Variants in ZGRF1 observed in about 807,000 individuals in gnomAD.
ZGRF1 encodes the protein 5'-3' DNA helicase ZGRF1.
Under a neutral mutation model 203.5 loss-of-function variants are expected in ZGRF1, and 196 were observed. That is an observed-to-expected ratio of 0.96 (90% CI 0.86 to 1.08). The LOEUF is 1.08. Ranked by LOEUF, ZGRF1 falls within the 50% of genes least tolerant of loss-of-function variation. ZGRF1 has a pLI of 0.00. For missense variants in ZGRF1, 2,326 were observed against 2,416.3 expected (o/e 0.96, Z 0.78); for synonymous variants, 809 against 841.3 (o/e 0.96, Z 0.66).
chr4:112,601,170 G>A (rs114676761), intron 10 of ZGRF1, among the ~76,000 whole-genome samples: 4 of 151,890 alleles, frequency 2.6e-5, no homozygotes, highest in South Asian at 2.1e-4. Context: ...CAACACTTTG[G>A]GGGGCTGAGG....
Position 112,558,179 on chromosome 4 carries a change from A to G in ZGRF1, c.5091T>C (p.Thr1697=), listed in dbSNP as rs147334527. The part of the protein sequence containing the change: ...RPWKLLISSS[T]NVAVDRVLLG... ...GAAGTACTCTGTCAACAGCCACATT[A>G]GTAGAAGAAGAAATCAGAAGTTTCC... The change falls in exon 20 of 28, where the codon ACT becomes ACC. Residue 1697 remains threonine, a synonymous_variant. Transcript: ENST00000505019. 23 of 1,607,356 alleles carry G rather than the reference A, an allele frequency of 1.4e-5. No homozygotes were observed. In the African/African-American group the frequency reaches 3.1e-4, roughly 22 times the overall value.
chr4:112,552,025 C>T (rs1238246393), intron 22 of ZGRF1, among the ~76,000 whole-genome samples: 4 of 152,050 alleles, frequency 2.6e-5, no homozygotes, highest in African/African-American at 9.7e-5. Flanking sequence ...TGCCTGTAAT[C>T]CCAGCACTTT....
chr4:112,566,055 A>C (rs1743011429), intron 16 of ZGRF1, among the ~76,000 whole-genome samples: 1 of 152,200 alleles, frequency 6.6e-6, no homozygotes, highest in Non-Finnish European at 1.5e-5. Context: ...ACATATGTTT[A>C]TTACGGCACT....
chr4:112,547,189 G>A, intron 24 of ZGRF1, 96 bp downstream of exon 24: 1 of 1,243,124 alleles, frequency 8.0e-7, no homozygotes, highest in South Asian at 1.7e-5. Flanking sequence ...TTTAAGGCAG[G>A]ACTAAGTCTT....
chr4:112,564,656 T>A (rs977777576), intron 16 of ZGRF1, among the ~76,000 whole-genome samples: 1 of 152,212 alleles, frequency 6.6e-6, no homozygotes, highest in Admixed American at 6.5e-5. Flanking sequence ...TCATTTTTCA[T>A]TGTATATATT....
rs527403308 is a variant in ZGRF1 at position 112,561,051 on chromosome 4, G to A, written c.4698-56C>T. ...AAAAAAAGGGGCATTTGAAAAAGAT[G>A]AGTAGAATAATTCATAACTTAGCCA... On this transcript the variant is annotated intron_variant, in intron 18 of 27. Transcript: ENST00000505019. 3.7e-5 allele frequency: 50 copies of A among 1,338,226 alleles called. No homozygotes were observed. In the African/African-American group the frequency reaches 6.0e-4, roughly 16 times the overall value. 82.9% of individuals were successfully genotyped at this position (1,338,226 alleles called of 1,614,324 possible). A position where few individuals can be genotyped will look rare whatever the true frequency, so the allele number is the denominator to read the frequency against.
At chr4:112,622,520 G>GAAAAAA (rs5861105) in intron 4 of ZGRF1, among the ~76,000 whole-genome samples, 1 of 75,254 alleles carries the variant, frequency 1.3e-5, no homozygotes, top group Non-Finnish European at 2.4e-5. Flanking sequence ...ACTCCATCTC[G>GAAAAAA]AAAAAAAAAA....
intron 16 of ZGRF1, among the ~76,000 whole-genome samples, chr4:112,567,302 A>G (rs1743296575): frequency 6.6e-6 from 1 of 152,138 alleles, no homozygotes; most frequent in South Asian, 2.1e-4. Context: ...ACGCCAGGGA[A>G]AAATGAGTTC....
chr4:112,616,414 A>G (rs1448570103), intron 6 of ZGRF1, among the ~76,000 whole-genome samples: 2 of 151,798 alleles, frequency 1.3e-5, no homozygotes, highest in African/African-American at 4.8e-5. Context: ...AATTCCAGCT[A>G]CTGGGGAGGC....
intron 5 of ZGRF1, 29 bp from the exon 6 acceptor site, chr4:112,619,719 T>C (rs2047003577): frequency 2.7e-6 from 4 of 1,482,684 alleles, no homozygotes; most frequent in South Asian, 2.7e-5. Context: ...CTGTTAGGTG[T>C]ACCATTACCC....
chr4:112,559,546 T>C (rs1741551127), intron 19 of ZGRF1, among the ~76,000 whole-genome samples: 1 of 152,160 alleles, frequency 6.6e-6, no homozygotes, highest in African/African-American at 2.4e-5. Flanking sequence ...AATGAAAATA[T>C]GAAGTAAGGC....
Position 112,539,541 on chromosome 4 carries a change from G to A in ZGRF1, c.*6C>T. 2.4e-6 allele frequency: 3 copies of A among 1,246,698 alleles called. No homozygotes were observed. The highest frequency in any genetic ancestry group is 3.4e-6 in the Non-Finnish European group (3 of 877,326). 77.2% of individuals were successfully genotyped at this position (1,246,698 alleles called of 1,614,324 possible). A position where few individuals can be genotyped will look rare whatever the true frequency, so the allele number is the denominator to read the frequency against. ...CATAAATACAAAATATTTACACCAT[G>A]TCTTTTTATGAATGAGATTTATCTT... is the stretch of plus-strand genomic sequence containing the variant. On this transcript the variant is annotated 3_prime_UTR_variant, in exon 28 of 28. Transcript: ENST00000505019.
intron 17 of ZGRF1, 139 bp downstream of exon 17, chr4:112,562,992 C>G: frequency 1.8e-6 from 1 of 557,426 alleles, no homozygotes; most frequent in Non-Finnish European, 3.1e-6. Context: ...TATTCAACTT[C>G]ATACACATTT....
At chr4:112,552,525 TG>T (rs1740163887) in intron 22 of ZGRF1, among the ~76,000 whole-genome samples, 1 of 152,110 alleles carries the variant, frequency 6.6e-6, no homozygotes, top group Admixed American at 6.5e-5. Flanking sequence ...GTGAGTAAAA[TG>T]ATAAGTAGTT....
chr4:112,595,106 A>T (rs1479271418), intron 10 of ZGRF1, among the ~76,000 whole-genome samples: 1 of 151,946 alleles, frequency 6.6e-6, no homozygotes, highest in East Asian at 1.9e-4. Flanking sequence ...TATGACTCAC[A>T]TTTTTTTACA....
rs368512732 is a variant in ZGRF1, at chr4:112,625,412, A to G, written c.103-1536T>C. 9.4e-3 allele frequency among the ~76,000 whole-genome samples: 1,408 copies of G among 150,418 alleles called. 16 individuals carry two copies. The highest frequency in any genetic ancestry group is 0.032 in the African/African-American group (1,308 of 40,870). The stretch of plus-strand genomic sequence containing the variant: ...CATCCTGCTAACACGGTGAAACCCC[A>G]TCTCTACTAAAAATACAAAAAAATT... On this transcript the variant is annotated intron_variant, in intron 3 of 27. Transcript: ENST00000505019.
intron 16 of ZGRF1, among the ~76,000 whole-genome samples, chr4:112,568,821 C>T (rs1160103311): frequency 1.3e-5 from 2 of 151,786 alleles, no homozygotes; most frequent in East Asian, 1.9e-4. Context: ...CGAGACCATC[C>T]TGGCCAACAT....
chr4:112,576,975 G>A (rs1173372168), intron 16 of ZGRF1, among the ~76,000 whole-genome samples: 3 of 151,306 alleles, frequency 2.0e-5, no homozygotes, highest in Non-Finnish European at 4.4e-5. Context: ...ACACATAATC[G>A]TCAGATTCAC....
chr4:112,569,061 A>C (rs1743742959), intron 16 of ZGRF1, among the ~76,000 whole-genome samples: 1 of 152,204 alleles, frequency 6.6e-6, no homozygotes, highest in Non-Finnish European at 1.5e-5. Context: ...CAAACAGTGA[A>C]TACAAGATGA....
Sources: allele counts gnomAD v4.1 joint callset (sites outside exome capture counted in the v4.1 genomes callset), GRCh38; gene constraint gnomAD v4.1.1; transcripts MANE v1.5; gene names NCBI Gene and HGNC (gene_info 2026-07-23, HGNC 2026-07-21).